The following FMNL2 variants were observed in gnomAD, a reference collection of about 807,000 sequenced individuals.
FMNL2 encodes formin like 2.
In FMNL2, 51 loss-of-function variants were observed where a neutral mutation model predicts 130.2. The observed-to-expected ratio is 0.39, with a 90% CI of 0.31 to 0.49. The LOEUF (loss-of-function observed/expected upper bound fraction) is 0.49. FMNL2 is among the 20% of genes least tolerant of loss of function. FMNL2 has a pLI of 0.85. For synonymous variants in FMNL2, 465 were observed against 467.1 expected (o/e 1.00, Z 0.06); for missense variants, 977 against 1,316.2 (o/e 0.74, Z 3.99).
At position 152,578,587 on chromosome 2, in the gene FMNL2, ATTTTT is replaced by A. The variant is rs577799870; in HGVS notation, c.706-286_706-282del. On this transcript the variant is annotated intron_variant, in intron 7 of 25. Coordinates refer to ENST00000288670, the MANE Select transcript of FMNL2 (RefSeq NM_052905.4). Reference sequence around the variant, plus strand: ...TCTTTTGATAATAGCATCATTGCCGATTTTTTTTTTTTTTTTTTTGAGAGATGTGG... The same window carrying A: ...TCTTTTGATAATAGCATCATTGCCGATTTTTTTTTTTTTTGAGAGATGTGG... 4.1e-3 allele frequency: 586 copies of A among 141,852 alleles called. 2 individuals are homozygous for A. The highest frequency in any genetic ancestry group is 0.015 in the African/African-American group (541 of 35,698). 8.8% of individuals were successfully genotyped at this position (141,852 alleles called of 1,614,324 possible). A position where few individuals can be genotyped will look rare whatever the true frequency, so the allele number is the denominator to read the frequency against.
At chr2:152,624,822 G>A (rs1681663761) in intron 15 of FMNL2, among the ~76,000 whole-genome samples, 1 of 152,168 alleles carries the variant, frequency 6.6e-6, no homozygotes. Flanking sequence ...GGGTGACAGA[G>A]CAAGACCTCA....
chr2:152,472,840 A>G (rs1689932342), intron 1 of FMNL2, among the ~76,000 whole-genome samples: 1 of 152,214 alleles, frequency 6.6e-6, no homozygotes, highest in Non-Finnish European at 1.5e-5. Flanking sequence ...GGTGCAAATG[A>G]TGATAATCTG....
chr2:152,476,742 T>C (rs34332337), intron 1 of FMNL2, among the ~76,000 whole-genome samples: 6,536 of 151,894 alleles, frequency 0.043, 472 homozygotes, highest in African/African-American at 0.15. Flanking sequence ...GCAGTCCTCA[T>C]GAGAACCCCC....
At chr2:152,636,388 C>G in intron 21 of FMNL2, 39 bp from the exon 22 acceptor site, 1 of 1,582,944 alleles carries the variant, frequency 6.3e-7, no homozygotes, top group Non-Finnish European at 8.6e-7. Context: ...TTGTGACTTC[C>G]CCATTGAGTT....
At chr2:152,340,726 C>G (rs953735582) in intron 1 of FMNL2, among the ~76,000 whole-genome samples, 3 of 152,158 alleles carry the variant, frequency 2.0e-5, no homozygotes, top group African/African-American at 7.2e-5. Context: ...GAGTCTTGCT[C>G]TGTCGCCCAG....
At chr2:152,519,702 C>T (rs1462268429) in intron 1 of FMNL2, among the ~76,000 whole-genome samples, 1 of 152,176 alleles carries the variant, frequency 6.6e-6, no homozygotes, top group Non-Finnish European at 1.5e-5. Context: ...GGGTCTATTT[C>T]CCTATGTTAA....
intron 1 of FMNL2, among the ~76,000 whole-genome samples, chr2:152,357,734 A>G (rs1040086913): frequency 6.6e-6 from 1 of 152,208 alleles, no homozygotes; most frequent in Admixed American, 6.5e-5. Flanking sequence ...TACATAGCAC[A>G]GTTTTATGTA....
intron 9 of FMNL2, among the ~76,000 whole-genome samples, chr2:152,593,554 C>T (rs1287128090): frequency 6.6e-6 from 1 of 151,484 alleles, no homozygotes; most frequent in Non-Finnish European, 1.5e-5. Context: ...GAATATGAAG[C>T]CAAAAAATGA....
intron 1 of FMNL2, among the ~76,000 whole-genome samples, chr2:152,473,180 T>C (rs1351098103): frequency 6.6e-6 from 1 of 152,232 alleles, no homozygotes; most frequent in African/African-American, 2.4e-5. Context: ...CAATCTTTTT[T>C]TCAATACTTG....
intron 1 of FMNL2, among the ~76,000 whole-genome samples, chr2:152,468,775 G>C (rs904064450): frequency 4.6e-5 from 7 of 152,134 alleles, no homozygotes; most frequent in Non-Finnish European, 7.4e-5. Flanking sequence ...GCATAGATGT[G>C]AATACTCCCC....
At chr2:152,578,674 G>T in intron 7 of FMNL2, 1 of 397,000 alleles carries the variant, frequency 2.5e-6, no homozygotes, top group Non-Finnish European at 4.5e-6. Flanking sequence ...GAGTAGCTGG[G>T]ACTGGAGGCA....
At position 152,335,515 on chromosome 2, in the gene FMNL2, G is replaced by C; in HGVS notation, c.-89G>C. ...GGGGAGCCGGGCAGGTCGCGCCTGC[G>C]GGCGGCAGCCGACCGCCGGGAGCTG... On this transcript the variant is annotated 5_prime_UTR_variant, in exon 1 of 26. Coordinates refer to ENST00000288670, the MANE Select transcript of FMNL2 (RefSeq NM_052905.4). 2 of 1,028,444 alleles carry C rather than the reference G, an allele frequency of 1.9e-6. No homozygotes were observed. Among genetic ancestry groups the C allele is most frequent in the Non-Finnish European group, 2.7e-6 (2 of 737,434 alleles). 63.7% of individuals were successfully genotyped at this position (1,028,444 alleles called of 1,614,324 possible).
chr2:152,381,973 A>AT (rs1171371981), intron 1 of FMNL2, among the ~76,000 whole-genome samples: 4 of 151,930 alleles, frequency 2.6e-5, no homozygotes, highest in Non-Finnish European at 4.4e-5. Flanking sequence ...TAATTTTTGT[A>AT]TTTTTTGTAG....
At position 152,564,776 on chromosome 2, in the gene FMNL2, GT is replaced by G. The variant is rs56378937; in HGVS notation, c.596+3763del. Among the ~76,000 whole-genome samples, 500 of 79,346 alleles carry G rather than the reference GT, an allele frequency of 6.3e-3. 13 individuals are homozygous for G. The highest frequency in any genetic ancestry group is 0.026 in the Middle Eastern group (2 of 78). 52.1% of individuals were successfully genotyped at this position (79,346 alleles called of 152,430 possible). A position where few individuals can be genotyped will look rare whatever the true frequency, so the allele number is the denominator to read the frequency against. On this transcript the variant is annotated intron_variant, in intron 6 of 25. Coordinates refer to ENST00000288670, the MANE Select transcript of FMNL2 (RefSeq NM_052905.4). ...CACTGCGTTCTAAAATACAAGGTTG[GT>G]TTTTTTTTTTTTTTTTTTTTTAACC...
chr2:152,444,272 G>A (rs1688222639), intron 1 of FMNL2, among the ~76,000 whole-genome samples: 1 of 152,142 alleles, frequency 6.6e-6, no homozygotes, highest in Middle Eastern at 3.2e-3. Context: ...GATTTGGAAG[G>A]GAGAGAAAAG....
At chr2:152,346,857 C>T (rs768811301) in intron 1 of FMNL2, among the ~76,000 whole-genome samples, 5 of 151,752 alleles carry the variant, frequency 3.3e-5, no homozygotes, top group South Asian at 4.2e-4. Context: ...TTTGGGAGGC[C>T]GAGGTGGGCA....
intron 1 of FMNL2, among the ~76,000 whole-genome samples, chr2:152,340,853 G>T (rs1056400255): frequency 5.9e-5 from 9 of 152,040 alleles, no homozygotes; most frequent in African/African-American, 2.2e-4. Context: ...CACCATGCCC[G>T]GCTGATTTTT....
At chr2:152,637,714 A>G (rs187022538) in intron 23 of FMNL2, 40 bp downstream of exon 23, 71 of 1,561,252 alleles carry the variant, frequency 4.5e-5, no homozygotes, top group African/African-American at 4.1e-4. Context: ...TTCTCAAGCA[A>G]TTGCCCTCCT....
At chr2:152,610,448 A>G (rs1034733011) in intron 10 of FMNL2, among the ~76,000 whole-genome samples, 1 of 152,174 alleles carries the variant, frequency 6.6e-6, no homozygotes, top group African/African-American at 2.4e-5. Context: ...ACCCATTGGC[A>G]GTCCCTCCCA....
Sources: allele counts gnomAD v4.1 joint callset (sites outside exome capture counted in the v4.1 genomes callset), GRCh38; gene constraint gnomAD v4.1.1; transcripts MANE v1.5; gene names NCBI Gene and HGNC (gene_info 2026-07-23, HGNC 2026-07-21).